SH3RF3: variants seen among roughly 807,000 people sequenced by gnomAD.
The protein encoded by SH3RF3 is SH3 domain containing ring finger 3, also known as E3 ubiquitin-protein ligase SH3RF3.
A neutral mutation model predicts 66.3 loss-of-function variants in SH3RF3; 29 were observed. The ratio of observed to expected loss-of-function variants is 0.44; its 90% CI spans 0.33 to 0.60. The LOEUF (loss-of-function observed/expected upper bound fraction) is 0.60. Ranked by LOEUF, SH3RF3 falls within the 20% of genes least tolerant of loss-of-function variation. The pLI is 0.04. For missense variants in SH3RF3, 1,194 were observed against 1,190.9 expected (o/e 1.00, Z -0.04); for synonymous variants, 583 against 532.0 (o/e 1.10, Z -1.32).
At chr2:109,301,456 T>A (rs771610256) in intron 1 of SH3RF3, among the ~76,000 whole-genome samples, 1 of 152,148 alleles carries the variant, frequency 6.6e-6, no homozygotes, top group Non-Finnish European at 1.5e-5. Flanking sequence ...TGCTGGCCCC[T>A]TCGCTGTTTG....
chr2:109,388,335 A>C lies in SH3RF3; in HGVS notation c.946-10255A>C, dbSNP rs898159361. Among the ~76,000 whole-genome samples the C allele has an allele frequency of 2.0e-5, 3 of 152,184 alleles. No individual in the cohort carries two copies. In the South Asian group the frequency reaches 6.2e-4, roughly 31 times the overall value. ...TTCTTAAGCTCCTTTGTGAACATGG[A>C]ACACATCCTAAAGAAAAGTTCTTGC... On this transcript the variant is annotated intron_variant, in intron 3 of 9. Transcript: ENST00000309415.
intron 2 of SH3RF3, among the ~76,000 whole-genome samples, chr2:109,362,277 G>A (rs908927722): frequency 6.6e-6 from 1 of 152,044 alleles, no homozygotes; most frequent in Non-Finnish European, 1.5e-5. Flanking sequence ...TTTTTATTTA[G>A]TTCAAAATAT....
chr2:109,331,194 G>A (rs1350473020), intron 1 of SH3RF3, among the ~76,000 whole-genome samples: 1 of 152,090 alleles, frequency 6.6e-6, no homozygotes, highest in Non-Finnish European at 1.5e-5. Context: ...GGGGAATGCC[G>A]GGTGTCTTAT....
chr2:109,162,886 A>AC (rs1558934171), intron 1 of SH3RF3, among the ~76,000 whole-genome samples: 2 of 150,614 alleles, frequency 1.3e-5, no homozygotes, highest in East Asian at 2.0e-4. Context: ...TACCAAAAAA[A>AC]CCACCTCTTG....
chr2:109,457,200 T>C (rs1678084684), intron 8 of SH3RF3, among the ~76,000 whole-genome samples: 4 of 152,170 alleles, frequency 2.6e-5, no homozygotes, highest in Non-Finnish European at 5.9e-5. Flanking sequence ...AGAACAAAAG[T>C]ATTAGAAATT....
At chr2:109,253,215 A>C (rs1680136865) in intron 1 of SH3RF3, among the ~76,000 whole-genome samples, 1 of 151,972 alleles carries the variant, frequency 6.6e-6, no homozygotes, top group Non-Finnish European at 1.5e-5. Context: ...TTTAGTAGAG[A>C]TGGGGTTTCA....
intron 8 of SH3RF3, among the ~76,000 whole-genome samples, chr2:109,453,567 AC>A (rs1387141179): frequency 2.0e-5 from 3 of 152,004 alleles, no homozygotes; most frequent in African/African-American, 7.3e-5. Flanking sequence ...GGCATCCCTA[AC>A]CACCCGACCG....
chr2:109,328,393 C>T (rs933763887), intron 1 of SH3RF3, among the ~76,000 whole-genome samples: 4 of 152,204 alleles, frequency 2.6e-5, no homozygotes, highest in African/African-American at 9.6e-5. Context: ...AGAGCTGCCC[C>T]ACCCTTGACT....
At position 109,474,837 on chromosome 2, in the gene SH3RF3, G is replaced by A. The variant is rs947568837; in HGVS notation, c.2149-15768G>A. On this transcript the variant is annotated intron_variant, in intron 8 of 9. Transcript: ENST00000309415. Reference sequence around the variant, plus strand: ...TGCCCAGGGCCAGTGCCCTGTGTGCGCCAAAGTCTACACTCACTCATAGTC... The same window carrying A: ...TGCCCAGGGCCAGTGCCCTGTGTGCACCAAAGTCTACACTCACTCATAGTC... 3.3e-5 allele frequency among the ~76,000 whole-genome samples: 5 copies of A among 152,210 alleles called. No individual in the cohort carries two copies. The East Asian group carries it at 5.8e-4, about 18-fold the overall frequency.
chr2:109,155,427 C>G (rs926394768), intron 1 of SH3RF3, among the ~76,000 whole-genome samples: 1 of 152,118 alleles, frequency 6.6e-6, no homozygotes, highest in Non-Finnish European at 1.5e-5. Context: ...CTCGGCCTCC[C>G]GAGTAGCTGG....
Position 109,289,562 on chromosome 2 carries a change from T to A in SH3RF3, c.574-58112T>A, listed in dbSNP as rs61186134. ...ATCTTAGCAATTATGGGGACCATGG[T>A]GTAGCACTGGGATATCTTACTTTTC... On this transcript the variant is annotated intron_variant, in intron 1 of 9. Coordinates refer to ENST00000309415, the MANE Select transcript of SH3RF3 (RefSeq NM_001099289.3). Among the ~76,000 whole-genome samples, 48 of 152,324 alleles carry A rather than the reference T, an allele frequency of 3.2e-4. No homozygotes were observed. In the East Asian group the frequency reaches 9.1e-3, roughly 29 times the overall value.
intron 5 of SH3RF3, among the ~76,000 whole-genome samples, chr2:109,421,056 A>G (rs1573237797): frequency 6.6e-6 from 1 of 152,224 alleles, no homozygotes; most frequent in East Asian, 1.9e-4. Context: ...ATCTCCTGCC[A>G]TGCTCCTAGC....
At chr2:109,316,281 TCCA>T (rs1479259483) in intron 1 of SH3RF3, among the ~76,000 whole-genome samples, 1 of 152,126 alleles carries the variant, frequency 6.6e-6, no homozygotes, top group African/African-American at 2.4e-5. Context: ...TGGGCCTCGG[TCCA>T]GGAGGCTGGG....
At chr2:109,435,710 G>C (rs539507798) in intron 6 of SH3RF3, among the ~76,000 whole-genome samples, 15 of 152,334 alleles carry the variant, frequency 9.8e-5, no homozygotes, top group Non-Finnish European at 1.8e-4. Flanking sequence ...GTTGTGTTCA[G>C]ACTTGTCAAT....
intron 1 of SH3RF3, among the ~76,000 whole-genome samples, chr2:109,209,883 G>A (rs1055478730): frequency 1.3e-5 from 2 of 152,100 alleles, no homozygotes; most frequent in Admixed American, 6.6e-5. Flanking sequence ...CAGTTCAGTG[G>A]CATTAAGTAC....
At chr2:109,422,236 GA>G (rs1676901592) in intron 5 of SH3RF3, among the ~76,000 whole-genome samples, 1 of 152,228 alleles carries the variant, frequency 6.6e-6, no homozygotes, top group South Asian at 2.1e-4. Flanking sequence ...GGTCTGCAGA[GA>G]ATGATGGCTT....
At chr2:109,281,790 A>G (rs994867664) in intron 1 of SH3RF3, among the ~76,000 whole-genome samples, 3 of 152,114 alleles carry the variant, frequency 2.0e-5, no homozygotes, top group Admixed American at 6.5e-5. Context: ...TTCTGTGCCA[A>G]TGGACACACT....
At position 109,169,753 on chromosome 2, in the gene SH3RF3, T is replaced by TAC. The variant is rs56897089; in HGVS notation, c.573+39658_573+39659dup. Among the ~76,000 whole-genome samples the TAC allele has an allele frequency of 8.8e-4, 132 of 149,794 alleles. No individual in the cohort carries two copies. The South Asian group carries it at 9.3e-3, about 11-fold the overall frequency. ...AAAATACATATGTATAAAACAACCA[T>TAC]ACACACACACACACACACATGACCC... On this transcript the variant is annotated intron_variant, in intron 1 of 9. Coordinates refer to ENST00000309415, the MANE Select transcript of SH3RF3 (RefSeq NM_001099289.3).
intron 3 of SH3RF3, among the ~76,000 whole-genome samples, chr2:109,386,215 C>T (rs1675818435): frequency 1.3e-5 from 2 of 152,212 alleles, no homozygotes; most frequent in Admixed American, 1.3e-4. Context: ...GGAAGTGACC[C>T]AGGCTTCCGG....
Sources: allele counts gnomAD v4.1 joint callset (sites outside exome capture counted in the v4.1 genomes callset), GRCh38; gene constraint gnomAD v4.1.1; transcripts MANE v1.5; gene names NCBI Gene and HGNC (gene_info 2026-07-23, HGNC 2026-07-21).